The following NTPCR variants were observed in gnomAD, a reference collection of about 807,000 sequenced individuals.
NTPCR encodes cancer-related nucleoside-triphosphatase.
Under a neutral mutation model 19.5 loss-of-function variants are expected in NTPCR, and 15 were observed. The ratio of observed to expected loss-of-function variants is 0.77; its 90% CI spans 0.51 to 1.18. The LOEUF is 1.18. NTPCR is among the 50% of genes most tolerant of loss of function. NTPCR has a pLI of 0.00. For synonymous variants in NTPCR, 90 were observed against 95.8 expected (o/e 0.94, Z 0.36); for missense variants, 206 against 240.4 (o/e 0.86, Z 0.95).
intron 4 of NTPCR, among the ~76,000 whole-genome samples, chr1:232,974,353 G>A (rs1202298350): frequency 1.3e-5 from 2 of 152,148 alleles, no homozygotes; most frequent in African/African-American, 4.8e-5. Flanking sequence ...GCCAAAGGAA[G>A]TTCTCTTATC....
Position 232,950,752 on chromosome 1 carries a change from T to G in NTPCR, c.34+8T>G, listed in dbSNP as rs1195590576. ...TCCTAACGGGGCCCCCAGGTAACCC[T>G]GAGGGGATCCCCACCTCCAAGAGGT... On this transcript the variant is annotated splice_region_variant and intron_variant, in intron 1 of 4. Coordinates refer to ENST00000366628, the MANE Select transcript of NTPCR (RefSeq NM_032324.3). 1 of 1,591,446 alleles carries G rather than the reference T, an allele frequency of 6.3e-7. No homozygotes were observed. Among genetic ancestry groups the G allele is most frequent in the African/African-American group, 1.4e-5 (1 of 73,838 alleles).
intron 4 of NTPCR, among the ~76,000 whole-genome samples, chr1:232,977,922 T>G (rs752046621): frequency 6.6e-6 from 1 of 152,198 alleles, no homozygotes; most frequent in South Asian, 2.1e-4. Flanking sequence ...GGCTGAAATC[T>G]GTCTGGGCTC....
At chr1:232,977,522 G>C (rs1482964089) in intron 4 of NTPCR, 3 of 152,200 alleles carry the variant, frequency 2.0e-5, no homozygotes, top group African/African-American at 7.2e-5. Flanking sequence ...ACAGATCATC[G>C]GGTAAAGCTC....
chr1:232,968,631 C>G (rs905615314), intron 3 of NTPCR: 2 of 152,356 alleles, frequency 1.3e-5, no homozygotes, highest in African/African-American at 2.4e-5. Context: ...CTGGTTGCCA[C>G]TGATCCCTAC....
intron 4 of NTPCR, among the ~76,000 whole-genome samples, chr1:232,972,759 G>T (rs916317555): frequency 6.6e-6 from 1 of 152,192 alleles, no homozygotes; most frequent in Non-Finnish European, 1.5e-5. Flanking sequence ...GCAAACTTAG[G>T]TGTTGGATTA....
Position 232,978,178 on chromosome 1 carries a change from A to G in NTPCR, c.520A>G (p.Arg174Gly). The G allele has an allele frequency of 6.2e-7, 1 of 1,614,190 alleles. No individual in the cohort carries two copies. The change falls in exon 5 of 5, where the codon AGA (arginine) becomes GGA (glycine). Residue 174 changes from arginine to glycine, a missense_variant. By Grantham distance (125) the Arg-to-Gly change is moderately radical (BLOSUM62 -2). Transcript: ENST00000366628. ...VKVFNVTKEN[R>G]NHLLPDIVTC... The stretch of plus-strand genomic sequence containing the variant: ...CTTCCCACAGGTCACCAAGGAAAAC[A>G]GAAACCACCTTCTGCCAGATATCGT...
chr1:232,956,594 A>G (rs548393946), intron 3 of NTPCR, 151 bp downstream of exon 3: 26 of 612,534 alleles, frequency 4.2e-5, no homozygotes, highest in African/African-American at 3.9e-4. Flanking sequence ...GATAAACAAC[A>G]TAATTTGCTA....
chr1:232,971,028 G>C (rs1209791895), intron 4 of NTPCR, among the ~76,000 whole-genome samples: 1 of 152,216 alleles, frequency 6.6e-6, no homozygotes, highest in East Asian at 1.9e-4. Context: ...GAGATGAGGG[G>C]CTAGGGCTTG....
In NTPCR at chr1:232,981,748, C is replaced by T. The variant is rs1452285949; in HGVS notation, c.*3517C>T. 5.6e-5 allele frequency: 8 copies of T among 141,778 alleles called. No individual in the cohort carries two copies. Among genetic ancestry groups the T allele is most frequent in the Non-Finnish European group, 9.1e-5 (6 of 66,214 alleles). 8.8% of individuals were successfully genotyped at this position (141,778 alleles called of 1,614,324 possible). A position where few individuals can be genotyped will look rare whatever the true frequency, so the allele number is the denominator to read the frequency against. On this transcript the variant is annotated 3_prime_UTR_variant, in exon 5 of 5. Transcript: ENST00000366628. ...TTTTTTTTTTTTTGAGACAGAGTCT[C>T]ACTCTGTCGCTTGAGCTGGAGTGCA...
rs1299426188 is a variant in NTPCR at position 232,978,436 on chromosome 1, T to C, written c.*205T>C. 83 of 504,448 alleles carry C rather than the reference T, an allele frequency of 1.6e-4. No homozygotes were observed. The East Asian group carries it at 2.7e-3, about 16-fold the overall frequency. The allele number at this position is 504,448 out of a possible 1,614,324, so 31.2% of individuals were successfully genotyped here. ...TTGTCTGTACAAGATTAACTATCCA[T>C]TGTGGCTTATCTATGCTTAAAGATT... On this transcript the variant is annotated 3_prime_UTR_variant, in exon 5 of 5. Transcript: ENST00000366628.
At chr1:232,965,643 GT>G (rs1668792444) in intron 3 of NTPCR, 1 of 152,472 alleles carries the variant, frequency 6.6e-6, no homozygotes, top group Admixed American at 6.5e-5. Flanking sequence ...ATAGTAATCT[GT>G]CATGGAGTCC....
At position 232,974,297 on chromosome 1, in the gene NTPCR, G is replaced by A. The variant is rs549843361; in HGVS notation, c.505-3866G>A. Among the ~76,000 whole-genome samples the A allele has an allele frequency of 3.9e-5, 6 of 152,170 alleles. No homozygotes were observed. In the South Asian group the frequency reaches 1.0e-3, roughly 26 times the overall value. ...ATTCTATAAGACATTCACAGATGAA[G>A]GAAAACTAAGAGAATTTGTCATAAT... On this transcript the variant is annotated intron_variant, in intron 4 of 4. Transcript: ENST00000366628.
chr1:232,975,412 A>G (rs1669097902), intron 4 of NTPCR, among the ~76,000 whole-genome samples: 1 of 152,190 alleles, frequency 6.6e-6, no homozygotes, highest in South Asian at 2.1e-4. Flanking sequence ...GCAGTACCAG[A>G]TACTGGGTCC....
chr1:232,958,934 T>G (rs916699828), intron 3 of NTPCR, among the ~76,000 whole-genome samples: 8 of 152,136 alleles, frequency 5.3e-5, no homozygotes, highest in Non-Finnish European at 1.2e-4. Flanking sequence ...AGATGCAAGA[T>G]TATATAAGAG....
In NTPCR at chr1:232,982,115, C is replaced by G. The variant is rs1475207600; in HGVS notation, c.*3884C>G. 1.3e-5 allele frequency: 2 copies of G among 152,216 alleles called. No homozygotes were observed. The highest frequency in any genetic ancestry group is 2.1e-4 in the South Asian group (1 of 4,834). The allele number at this position is 152,216 out of a possible 1,614,324, so 9.4% of individuals were successfully genotyped here. A position where few individuals can be genotyped will look rare whatever the true frequency, so the allele number is the denominator to read the frequency against. ...AAATGTCAGTTTAGGGATGCCTCCT[C>G]TAAATGGGGGCTTAGAATATAACAT... On this transcript the variant is annotated 3_prime_UTR_variant, in exon 5 of 5. Transcript: ENST00000366628.
At chr1:232,971,381 G>A (rs1668973696) in intron 4 of NTPCR, among the ~76,000 whole-genome samples, 1 of 152,150 alleles carries the variant, frequency 6.6e-6, no homozygotes, top group Admixed American at 6.5e-5. Context: ...TGAGTGAAAT[G>A]TCACCTTGGC....
chr1:232,952,880 C>T (rs1422572851), intron 1 of NTPCR, among the ~76,000 whole-genome samples: 2 of 152,136 alleles, frequency 1.3e-5, no homozygotes, highest in Non-Finnish European at 2.9e-5. Flanking sequence ...TGTCTGTACC[C>T]ATGACTCATC....
chr1:232,978,233 GACAC>G lies in NTPCR; in HGVS notation c.*3_*6del. The G allele has an allele frequency of 6.2e-7, 1 of 1,613,894 alleles. No homozygotes were observed. The highest frequency in any genetic ancestry group is 8.5e-7 in the Non-Finnish European group (1 of 1,179,810). ...TGCGTGCAGAGCAGCAGGAAGTGAA[GACAC>G]GTGCATTCCTGCCTTCCGTGAAGGA... On this transcript the variant is annotated 3_prime_UTR_variant, in exon 5 of 5. Coordinates refer to ENST00000366628, the MANE Select transcript of NTPCR (RefSeq NM_032324.3).
intron 4 of NTPCR, chr1:232,976,562 G>T: frequency 6.7e-7 from 1 of 1,485,122 alleles, no homozygotes; most frequent in South Asian, 1.4e-5. Context: ...TAACTTAAGT[G>T]AAAACAGCAT....
Sources: allele counts gnomAD v4.1 joint callset (sites outside exome capture counted in the v4.1 genomes callset), GRCh38; gene constraint gnomAD v4.1.1; transcripts MANE v1.5; gene names NCBI Gene and HGNC (gene_info 2026-07-23, HGNC 2026-07-21).